Variants in BRD10 observed in about 807,000 individuals in gnomAD.
BRD10 encodes the protein bromodomain containing 10, also known as uncharacterized bromodomain-containing protein 10.
the BRD10 span, among the ~76,000 whole-genome samples, chr9:5,883,091 T>A: frequency 1.3e-5 from 2 of 151,948 alleles, no homozygotes; most frequent in African/African-American, 4.8e-5. Flanking sequence ...CACACCAACA[T>A]GGCACATGTA....
At chr9:5,979,199 C>T in the BRD10 span, among the ~76,000 whole-genome samples, 2 of 152,092 alleles carry the variant, frequency 1.3e-5, no homozygotes, top group African/African-American at 4.8e-5. Flanking sequence ...TGTAAAAGTA[C>T]ATGAAATAAA....
the BRD10 span, among the ~76,000 whole-genome samples, chr9:5,930,216 G>T: frequency 6.6e-6 from 1 of 150,660 alleles, no homozygotes. Context: ...ATACGTTATG[G>T]GTCACATTTA....
the BRD10 span, among the ~76,000 whole-genome samples, chr9:5,962,033 TTTGCTC>T: frequency 1.3e-5 from 2 of 152,208 alleles, no homozygotes; most frequent in Non-Finnish European, 2.9e-5. Flanking sequence ...TTTGAATATG[TTTGCTC>T]TTGCTTTTCT....
At chr9:5,984,430 C>CTTTGAAAAGTAG in the BRD10 span, among the ~76,000 whole-genome samples, 1 of 152,170 alleles carries the variant, frequency 6.6e-6, no homozygotes, top group Non-Finnish European at 1.5e-5. Flanking sequence ...ACAGAAACTA[C>CTTTGAAAAGTAG]TTTGAAAAAA....
the BRD10 span, among the ~76,000 whole-genome samples, chr9:5,900,649 C>T: frequency 6.6e-6 from 1 of 152,136 alleles, no homozygotes; most frequent in African/African-American, 2.4e-5. Flanking sequence ...TTTTCAACTT[C>T]CATTTGTCCA....
At chr9:5,919,637 T>G in the BRD10 span, 1 of 1,504,264 alleles carries the variant, frequency 6.6e-7, no homozygotes, top group African/African-American at 1.5e-5. Context: ...TTTATGGGAG[T>G]CAAAACAATG....
At chr9:5,987,404 C>T in the BRD10 span, among the ~76,000 whole-genome samples, 4 of 152,104 alleles carry the variant, frequency 2.6e-5, no homozygotes, top group Non-Finnish European at 4.4e-5. Context: ...TTCTTCAATT[C>T]TCCCCATTCC....
At chr9:5,990,966 T>G in the BRD10 span, among the ~76,000 whole-genome samples, 1 of 152,198 alleles carries the variant, frequency 6.6e-6, no homozygotes, top group Non-Finnish European at 1.5e-5. Context: ...GAAACATAAA[T>G]GTTTTTCAAT....
chr9:5,928,503 C>T, the BRD10 span, among the ~76,000 whole-genome samples: 2 of 152,340 alleles, frequency 1.3e-5, no homozygotes, highest in East Asian at 3.9e-4. Context: ...ACCTCTCTGA[C>T]TCTTGCCTGT....
chr9:6,006,761 G>T, the BRD10 span, among the ~76,000 whole-genome samples: 1 of 152,122 alleles, frequency 6.6e-6, no homozygotes, highest in Non-Finnish European at 1.5e-5. Flanking sequence ...TTTTTTAATG[G>T]TTTAAGACAC....
chr9:5,895,694 G>C, the BRD10 span, among the ~76,000 whole-genome samples: 1 of 152,196 alleles, frequency 6.6e-6, no homozygotes, highest in African/African-American at 2.4e-5. Flanking sequence ...GAGGCTGATT[G>C]GGTAGGCCAG....
chr9:5,886,805 A>G, the BRD10 span, among the ~76,000 whole-genome samples: 1 of 152,190 alleles, frequency 6.6e-6, no homozygotes, highest in Non-Finnish European at 1.5e-5. Flanking sequence ...AGGTTTTTCA[A>G]GTTGAGGTGC....
the BRD10 span, chr9:5,969,076 C>T: frequency 1.2e-6 from 2 of 1,613,242 alleles, no homozygotes; most frequent in South Asian, 1.1e-5. Context: ...TTTCAGTTTG[C>T]CCTACAGCAG....
chr9:5,898,806 G>A, the BRD10 span: 1 of 152,116 alleles, frequency 6.6e-6, no homozygotes, highest in African/African-American at 2.4e-5. Flanking sequence ...TCTACACTAA[G>A]CATCCCAGGA....
the BRD10 span, among the ~76,000 whole-genome samples, chr9:5,940,768 C>T: frequency 6.6e-6 from 1 of 152,038 alleles, no homozygotes; most frequent in Non-Finnish European, 1.5e-5. Context: ...GGCGGTTGTG[C>T]TCAATATGTA....
the BRD10 span, among the ~76,000 whole-genome samples, chr9:5,942,836 T>G: frequency 6.6e-6 from 1 of 152,190 alleles, no homozygotes; most frequent in Non-Finnish European, 1.5e-5. Flanking sequence ...CTGATTAACA[T>G]GCCCTCAAGG....
the BRD10 span, among the ~76,000 whole-genome samples, chr9:5,997,346 G>A: frequency 7.9e-5 from 12 of 151,972 alleles, no homozygotes; most frequent in Non-Finnish European, 2.9e-5. Context: ...TTTCTTATGC[G>A]AAGTGAACAA....
chr9:5,939,586 T>C, the BRD10 span, among the ~76,000 whole-genome samples: 4 of 152,238 alleles, frequency 2.6e-5, no homozygotes, highest in Middle Eastern at 3.2e-3. Context: ...ATTCTCTCTA[T>C]GATGGGATCT....
the BRD10 span, among the ~76,000 whole-genome samples, chr9:5,981,112 T>G: frequency 2.0e-5 from 3 of 152,232 alleles, no homozygotes; most frequent in Non-Finnish European, 4.4e-5. Context: ...TCTCCATCCT[T>G]CACTGTAAGG....
Sources: gnomAD v4.1 joint callset for allele counts (sites outside exome capture counted in the v4.1 genomes callset) on GRCh38, gnomAD v4.1.1 for gene constraint, MANE v1.5 for transcripts, NCBI Gene and HGNC (gene_info 2026-07-23, HGNC 2026-07-21) for gene names.